Variants in SLC6A16 observed in about 807,000 individuals in gnomAD.
The protein encoded by SLC6A16 is orphan sodium- and chloride-dependent neurotransmitter transporter NTT5.
A neutral mutation model predicts 65.4 loss-of-function variants in SLC6A16; 54 were observed. The observed-to-expected ratio is 0.83, with a 90% CI of 0.66 to 1.04. The LOEUF (loss-of-function observed/expected upper bound fraction) is 1.04, where lower values mean the gene tolerates loss of function less well. Ranked by LOEUF, SLC6A16 falls within the 50% of genes least tolerant of loss-of-function variation. SLC6A16 has a pLI of 0.00. For synonymous variants in SLC6A16, 330 were observed against 346.5 expected (o/e 0.95, Z 0.53); for missense variants, 816 against 914.0 (o/e 0.89, Z 1.38).
At chr19:49,338,610 G>C in the SLC6A16 span, 1 of 936,446 alleles carries the variant, frequency 1.1e-6, no homozygotes, top group Non-Finnish European at 1.7e-6. This position sits in a 1 kb window ranked among gnomAD's most constrained non-coding sequence, Gnocchi z 5.0. Context: ...CCTGCTCCCC[G>C]ACCTGACCTC....
chr19:49,335,544 TCAG>T, the SLC6A16 span: 1 of 1,613,568 alleles, frequency 6.2e-7, no homozygotes, highest in South Asian at 1.1e-5. This position sits in a 1 kb window ranked among gnomAD's most constrained non-coding sequence, Gnocchi z 4.6. Flanking sequence ...GGTGAAGATG[TCAG>T]CCCAGGAGAG....
In SLC6A16 at chr19:49,309,210, C is replaced by A; in HGVS notation, c.987+91G>T. The A allele has an allele frequency of 3.8e-6, 6 of 1,587,612 alleles. No individual in the cohort carries two copies. In the South Asian group the frequency reaches 6.7e-5, roughly 18 times the overall value. ...GTTGCAGGGAGGAGAGAGGGAGATA[C>A]AAAAGTAAAGAATGGGGAAAGGAAG... On this transcript the variant is annotated intron_variant, in intron 6 of 11. Transcript: ENST00000335875.
chr19:49,309,315 A>C lies in SLC6A16; in HGVS notation c.973T>G (p.Leu325Val), dbSNP rs1175094227. Residue 325 changes from leucine (L) to valine (V), a missense_variant, in exon 6 of 12, where the codon TTG becomes GTG. Transcript: ENST00000335875. Reference sequence around the variant, plus strand: ...ATAGATTTCACCTTGGCAACCACCAACTGTTGAAGGCCAAATTTTGCCCCT... The same window carrying C: ...ATAGATTTCACCTTGGCAACCACCACCTGTTGAAGGCCAAATTTTGCCCCT... The part of the protein sequence containing the change: ...LEGAKFGLQQ[L>V]VVAKISDVYN... The C allele has an allele frequency of 6.2e-7, 1 of 1,613,258 alleles. No homozygotes were observed. The highest frequency in any genetic ancestry group is 1.7e-5 in the Admixed American group (1 of 60,016).
At chr19:49,335,686 C>A in the SLC6A16 span, 1 of 1,612,726 alleles carries the variant, frequency 6.2e-7, no homozygotes, top group Non-Finnish European at 8.5e-7. This position sits in a 1 kb window ranked among gnomAD's most constrained non-coding sequence, Gnocchi z 4.6. Flanking sequence ...CTGTGGCCCA[C>A]CCCCGTATCC....
At chr19:49,340,141 T>C in the SLC6A16 span, 5 of 1,507,644 alleles carry the variant, frequency 3.3e-6, no homozygotes, top group African/African-American at 1.4e-5. Context: ...CTCCAGCCCC[T>C]TCCCGCCCAA....
At chr19:49,294,987 G>A (rs1270460294) in intron 7 of SLC6A16, among the ~76,000 whole-genome samples, 1 of 152,058 alleles carries the variant, frequency 6.6e-6, no homozygotes, top group Admixed American at 6.6e-5. Flanking sequence ...ACTTTTTGAT[G>A]TGAGCCCTGC....
At chr19:49,336,205 A>G in the SLC6A16 span, 1 of 198,380 alleles carries the variant, frequency 5.0e-6, no homozygotes, top group South Asian at 8.7e-5. Flanking sequence ...CATATTTAAG[A>G]AGTCTTTGCC....
chr19:49,322,959 C>T (rs1175211642), intron 1 of SLC6A16, among the ~76,000 whole-genome samples: 1 of 148,320 alleles, frequency 6.7e-6, no homozygotes, highest in Non-Finnish European at 1.5e-5. Context: ...CGCTGGTGTA[C>T]TCACATTTCC....
the SLC6A16 span, chr19:49,340,057 GC>G: frequency 2.7e-6 from 4 of 1,505,984 alleles, no homozygotes; most frequent in Non-Finnish European, 3.5e-6. Context: ...CCCACTTGTA[GC>G]AGCTATTCCC....
At chr19:49,314,871 G>T (rs1218980658) in intron 1 of SLC6A16, among the ~76,000 whole-genome samples, 1 of 152,134 alleles carries the variant, frequency 6.6e-6, no homozygotes, top group Non-Finnish European at 1.5e-5. Flanking sequence ...GACAAGGAAA[G>T]ATGGAAGTGT....
Position 49,310,089 on chromosome 19 carries a change from A to G in SLC6A16, c.651T>C (p.Phe217=). 1 of 1,614,126 alleles carries G rather than the reference A, an allele frequency of 6.2e-7. No homozygotes were observed. Among genetic ancestry groups the G allele is most frequent in the Non-Finnish European group, 8.5e-7 (1 of 1,180,028 alleles). The change falls in exon 4 of 12, where the codon TTT becomes TTC. Residue 217 remains phenylalanine, a synonymous_variant. Transcript: ENST00000335875. ...IIFYMSQSFQ[F]PVPWEKCPLT... ...AGGGACATTTCTCCCATGGAACGGG[A>G]AACTGGAAGGACTGGCTCATGTAGA... is the stretch of plus-strand genomic sequence containing the variant.
chr19:49,338,365 G>A, the SLC6A16 span, among the ~76,000 whole-genome samples: 4 of 137,164 alleles, frequency 2.9e-5, no homozygotes, highest in Non-Finnish European at 4.6e-5. The surrounding 1 kb of genome is among the most constrained non-coding windows in gnomAD (Gnocchi z 5.0). Flanking sequence ...ACCGGACCCC[G>A]CCCCCGATGA....
intron 7 of SLC6A16, among the ~76,000 whole-genome samples, chr19:49,299,140 G>A (rs1283505121): frequency 6.6e-6 from 1 of 152,018 alleles, no homozygotes; most frequent in African/African-American, 2.4e-5. Context: ...CAGCTACTCG[G>A]GAGGCTGAGG....
At chr19:49,339,459 A>G in the SLC6A16 span, 4 of 1,580,654 alleles carry the variant, frequency 2.5e-6, no homozygotes, top group Non-Finnish European at 1.7e-6. The surrounding 1 kb of genome is among the most constrained non-coding windows in gnomAD (Gnocchi z 4.5). Context: ...AAATCCCTAG[A>G]TGGCCCTGCC....
chr19:49,294,176 C>T (rs539976047), intron 8 of SLC6A16, 148 bp from the exon 9 acceptor site: 2 of 902,350 alleles, frequency 2.2e-6, no homozygotes, highest in Non-Finnish European at 3.3e-6. Context: ...AACCCCCTGA[C>T]ATGGAAAATC....
chr19:49,317,901 C>T (rs1156711214), intron 1 of SLC6A16, among the ~76,000 whole-genome samples: 2 of 151,780 alleles, frequency 1.3e-5, no homozygotes, highest in African/African-American at 2.4e-5. Flanking sequence ...GGCCAGAAAA[C>T]AAGGTAACTA....
intron 1 of SLC6A16, among the ~76,000 whole-genome samples, chr19:49,318,977 T>A (rs1970662012): frequency 6.7e-6 from 1 of 148,372 alleles, no homozygotes; most frequent in South Asian, 2.1e-4. Context: ...CCTCCCAAAG[T>A]GCTGGGATTA....
At chr19:49,302,439 C>T in intron 7 of SLC6A16, among the ~76,000 whole-genome samples, 1 of 152,164 alleles carries the variant, frequency 6.6e-6, no homozygotes, top group African/African-American at 2.4e-5. Context: ...CCAACCTGGA[C>T]CCACCACACG....
intron 7 of SLC6A16, among the ~76,000 whole-genome samples, chr19:49,304,718 G>A (rs561247975): frequency 6.6e-6 from 1 of 152,192 alleles, no homozygotes; most frequent in Admixed American, 6.5e-5. Flanking sequence ...CACCAGGTGA[G>A]AGAAAAGAAT....
Sources: allele counts gnomAD v4.1 joint callset (sites outside exome capture counted in the v4.1 genomes callset), GRCh38; gene constraint gnomAD v4.1.1; non-coding constraint Gnocchi (gnomAD v3.1); transcripts MANE v1.5; gene names NCBI Gene and HGNC (gene_info 2026-07-23, HGNC 2026-07-21).